Variants in PCM1 observed in about 807,000 individuals in gnomAD.
The protein encoded by PCM1 is pericentriolar material 1, also known as pericentriolar material 1 protein.
A neutral mutation model predicts 241.9 loss-of-function variants in PCM1; 157 were observed. The observed-to-expected ratio is 0.65, with a 90% confidence interval of 0.57 to 0.74. The LOEUF (loss-of-function observed/expected upper bound fraction) is 0.74, where lower values mean the gene tolerates loss of function less well. PCM1 is among the 30% of genes least tolerant of loss of function. The probability of loss-of-function intolerance (pLI) is 0.00; values close to 1 mark genes in which losing one functional copy is unlikely to be tolerated. For missense variants in PCM1, 3,478 were observed against 2,360.1 expected (o/e 1.47, Z -9.81); for synonymous variants, 1,085 against 784.9 (o/e 1.38, Z -6.39).
chr8:17,943,544 A>G (rs914142380), intron 6 of PCM1, among the ~76,000 whole-genome samples: 2 of 152,196 alleles, frequency 1.3e-5, no homozygotes, highest in African/African-American at 2.4e-5. Flanking sequence ...AAGGCATTAC[A>G]TATAATTTAA....
At chr8:17,947,075 G>T in intron 6 of PCM1, 111 bp from the exon 7 acceptor site, 1 of 605,986 alleles carries the variant, frequency 1.7e-6, no homozygotes, top group South Asian at 2.6e-5. Context: ...CTATATTTAG[G>T]GTTGTATATT....
intron 29 of PCM1, among the ~76,000 whole-genome samples, chr8:17,998,500 T>A (rs1371868187): frequency 6.6e-6 from 1 of 152,194 alleles, no homozygotes; most frequent in Non-Finnish European, 1.5e-5. Flanking sequence ...CTTCCTTTAC[T>A]TTCTTTCAAA....
In PCM1 at chr8:17,938,859, A is replaced by G. The variant is rs2061204767; in HGVS notation, c.462A>G (p.Lys154=). The change falls in exon 5 of 39, where the codon AAA becomes AAG. Residue 154 remains lysine (K), a synonymous_variant. Coordinates refer to ENST00000325083, the MANE Select transcript of PCM1 (RefSeq NM_006197.4). ...TGCAGATTAATACTAACAAGAGCAAAGATGCATCTACAAACCCCCCAAACA... is the reference window on the plus strand; with the variant it reads ...TGCAGATTAATACTAACAAGAGCAAGGATGCATCTACAAACCCCCCAAACA... The part of the protein sequence containing the change: ...LPMQINTNKS[K]DASTNPPNRE... 1 of 1,613,754 alleles carries G rather than the reference A, an allele frequency of 6.2e-7. No homozygotes were observed.
intron 38 of PCM1, among the ~76,000 whole-genome samples, chr8:18,026,036 C>A (rs1246040440): frequency 6.6e-6 from 1 of 150,542 alleles, no homozygotes. Flanking sequence ...CGGTGGCGGG[C>A]GCCTGTAGTG....
rs1266247918 is a variant in PCM1, at chr8:18,027,918, G to A, written c.*256G>A. On this transcript the variant is annotated 3_prime_UTR_variant, in exon 39 of 39. Coordinates refer to ENST00000325083, the MANE Select transcript of PCM1 (RefSeq NM_006197.4). ...TCTTCATTTTTTTCCCCATTGTGAT[G>A]TTTGGTAACGAATTTAAAATGTAGT... is the stretch of plus-strand genomic sequence containing the variant. 2.7e-6 allele frequency: 1 copy of A among 364,458 alleles called. No individual in the cohort carries two copies. The highest frequency in any genetic ancestry group is 4.8e-6 in the Non-Finnish European group (1 of 206,460). 22.6% of individuals were successfully genotyped at this position (364,458 alleles called of 1,614,324 possible).
chr8:17,929,714 A>C (rs1478099417), intron 2 of PCM1, among the ~76,000 whole-genome samples: 1 of 152,064 alleles, frequency 6.6e-6, no homozygotes, highest in Non-Finnish European at 1.5e-5. Context: ...TCTGTGTGGG[A>C]TACCTTCCAG....
intron 2 of PCM1, among the ~76,000 whole-genome samples, chr8:17,932,131 G>T (rs1213030404): frequency 6.6e-6 from 1 of 152,050 alleles, no homozygotes; most frequent in African/African-American, 2.4e-5. Context: ...ATTTTGAAGG[G>T]TACTTAGTAT....
Position 17,960,067 on chromosome 8 carries a change from T to C in PCM1, c.2094T>C (p.Asp698=). The C allele has an allele frequency of 1.2e-6, 2 of 1,612,226 alleles. No individual in the cohort carries two copies. The highest frequency in any genetic ancestry group is 1.7e-6 in the Non-Finnish European group (2 of 1,179,032). ...CTGCCAGTGCATCAAATTTGGATGA[T>C]TTCTACCCAGCAGAAGAAGACACCA... ...VISASASNLD[D]FYPAEEDTKQ... The change falls in exon 14 of 39, where the codon GAT becomes GAC. Residue 698 remains aspartate, a synonymous_variant. Transcript: ENST00000325083.
intron 13 of PCM1, among the ~76,000 whole-genome samples, chr8:17,959,582 G>GTTTTCTAGAC (rs2070632117): frequency 4.7e-5 from 1 of 21,086 alleles, no homozygotes; most frequent in Non-Finnish European, 1.2e-4. Flanking sequence ...GGTCTCTAGA[G>GTTTTCTAGAC]AGCAATTTTC....
intron 6 of PCM1, among the ~76,000 whole-genome samples, chr8:17,942,855 G>A (rs2062580103): frequency 6.6e-6 from 1 of 152,072 alleles, no homozygotes; most frequent in Admixed American, 6.5e-5. Context: ...AAATTAGCCA[G>A]GTGTGGTAGT....
intron 6 of PCM1, among the ~76,000 whole-genome samples, chr8:17,941,520 ATT>A (rs200134163): frequency 7.0e-6 from 1 of 143,802 alleles, no homozygotes. Context: ...ATGTGGATTG[ATT>A]TTTGTTTTTT....
chr8:17,927,424 G>C (rs2057412954), intron 2 of PCM1: 1 of 151,660 alleles, frequency 6.6e-6, no homozygotes, highest in African/African-American at 2.4e-5. Flanking sequence ...CTGATTATTT[G>C]ATTACTTTGA....
At chr8:18,012,702 C>T (rs574008080) in intron 34 of PCM1, among the ~76,000 whole-genome samples, 11 of 152,208 alleles carry the variant, frequency 7.2e-5, no homozygotes, top group African/African-American at 2.6e-4. Flanking sequence ...CTCTTTATTA[C>T]TGCCACACCA....
At chr8:17,967,268 G>T in intron 21 of PCM1, 98 bp downstream of exon 21, 1 of 809,270 alleles carries the variant, frequency 1.2e-6, no homozygotes. Context: ...TTCTTTTGGA[G>T]TGGGGTAGGA....
At chr8:17,956,433 A>G (rs2068524327) in intron 10 of PCM1, among the ~76,000 whole-genome samples, 171 bp from the exon 11 acceptor site, 1 of 152,206 alleles carries the variant, frequency 6.6e-6, no homozygotes, top group Non-Finnish European at 1.5e-5. Flanking sequence ...AGTAAGCTGT[A>G]CTTGGCATTA....
intron 7 of PCM1, 91 bp downstream of exon 7, chr8:17,947,454 C>A: frequency 1.1e-6 from 1 of 916,888 alleles, no homozygotes; most frequent in Non-Finnish European, 1.6e-6. Flanking sequence ...ATAATCAGAT[C>A]TTGATTGTTG....
chr8:18,002,677 TGACAG>T, intron 29 of PCM1, among the ~76,000 whole-genome samples: 1 of 81,534 alleles, frequency 1.2e-5, no homozygotes, highest in African/African-American at 8.0e-5. Flanking sequence ...TTGAACTAGT[TGACAG>T]TCCCACCAAC....
chr8:17,940,601 T>G (rs1463678993), intron 6 of PCM1, among the ~76,000 whole-genome samples: 1 of 152,184 alleles, frequency 6.6e-6, no homozygotes, highest in Non-Finnish European at 1.5e-5. Context: ...TTTTTTGGGC[T>G]CTATCCTAGT....
chr8:18,027,250 G>A (rs1011534405), intron 38 of PCM1, among the ~76,000 whole-genome samples: 8 of 146,708 alleles, frequency 5.5e-5, no homozygotes, highest in African/African-American at 2.0e-4. Flanking sequence ...TCTTGCAAGT[G>A]TTTGAACTGC....
Sources: allele counts gnomAD v4.1 joint callset (sites outside exome capture counted in the v4.1 genomes callset), GRCh38; gene constraint gnomAD v4.1.1; transcripts MANE v1.5; gene names NCBI Gene and HGNC (gene_info 2026-07-23, HGNC 2026-07-21).